Variants in CDKL5 observed in about 807,000 individuals in gnomAD.
CDKL5 encodes cyclin-dependent kinase-like 5.
In CDKL5, 8 loss-of-function variants were observed where a neutral mutation model predicts 61.7. The observed-to-expected ratio is 0.13, with a 90% CI of 0.08 to 0.23. The LOEUF (loss-of-function observed/expected upper bound fraction) is 0.23. Among genes scored for constraint, CDKL5 ranks in the 10% least tolerant of loss-of-function variants. CDKL5 has a pLI of 1.00. For missense variants in CDKL5, 440 were observed against 734.5 expected (o/e 0.60, Z 4.63); for synonymous variants, 275 against 272.3 (o/e 1.01, Z -0.10).
chrX:18,592,974 C>T (rs1333335944), intron 9 of CDKL5, among the ~76,000 whole-genome samples: 2 of 112,141 alleles, frequency 1.8e-5, no homozygotes, highest in African/African-American at 3.2e-5. Flanking sequence ...GGCCTGGTTC[C>T]GTATTTACTA....
Position 18,639,818 on chromosome X carries a change from A to G in CDKL5, c.*11061A>G, listed in dbSNP as rs1433337744. On this transcript the variant is annotated 3_prime_UTR_variant, in exon 18 of 18. Coordinates refer to ENST00000623535, the MANE Select transcript of CDKL5 (RefSeq NM_001323289.2). ...ATACTGAACAATGATGTTCAGCAAT[A>G]AAAAGGAGTGACAAGTGACATAGTG... 1.8e-5 allele frequency: 2 copies of G among 112,467 alleles called. No individual in the cohort carries two copies. The highest frequency in any genetic ancestry group is 9.4e-5 in the Admixed American group (1 of 10,642). 9.3% of individuals were successfully genotyped at this position (112,467 alleles called of 1,213,427 possible).
intron 9 of CDKL5, among the ~76,000 whole-genome samples, chrX:18,593,858 T>G (rs1479245047): frequency 8.9e-6 from 1 of 112,392 alleles, no homozygotes; most frequent in African/African-American, 3.2e-5. Context: ...GTCTTCACAT[T>G]TTTCATATTT....
chrX:18,594,122 C>G (rs1468621388), intron 9 of CDKL5, among the ~76,000 whole-genome samples: 1 of 112,196 alleles, frequency 8.9e-6, no homozygotes, highest in African/African-American at 3.2e-5. Context: ...TGAAATTTTA[C>G]TGTATAATTA....
intron 1 of CDKL5, among the ~76,000 whole-genome samples, chrX:18,475,883 C>T (rs1434342397): frequency 8.9e-6 from 1 of 111,874 alleles, no homozygotes; most frequent in African/African-American, 3.2e-5. Context: ...TATGTTTACT[C>T]ATATAACAAA....
Position 18,527,669 on chromosome X carries a change from A to G in CDKL5, c.99+16815A>G, listed in dbSNP as rs903598725. On this transcript the variant is annotated intron_variant, in intron 3 of 17. Transcript: ENST00000623535. ...TTTATCAGCTTTATTGATTTCAGAG[A>G]AGCAGCTTTTGTTTTTACTGTTGAT... is the stretch of plus-strand genomic sequence containing the variant. Among the ~76,000 whole-genome samples the G allele has an allele frequency of 3.6e-5, 4 of 110,915 alleles. No homozygotes were observed. In the East Asian group the frequency reaches 1.1e-3, roughly 31 times the overall value.
chrX:18,488,560 C>G (rs1004995677), intron 1 of CDKL5, among the ~76,000 whole-genome samples: 3 of 111,444 alleles, frequency 2.7e-5, no homozygotes, highest in African/African-American at 9.8e-5. Context: ...TCATCTTCAC[C>G]CCAGACTTTC....
intron 1 of CDKL5, among the ~76,000 whole-genome samples, chrX:18,480,961 G>A (rs759769074): frequency 3.1e-4 from 33 of 107,216 alleles, no homozygotes; most frequent in Admixed American, 3.0e-4. Flanking sequence ...GGGTTCAAGC[G>A]ATTCTCCTGT....
At chrX:18,596,840 A>G (rs1269633931) in intron 10 of CDKL5, among the ~76,000 whole-genome samples, 1 of 112,498 alleles carries the variant, frequency 8.9e-6, no homozygotes, top group Non-Finnish European at 1.9e-5. Context: ...CCAGATTAAA[A>G]GCTAGCACAA....
At chrX:18,490,951 C>T (rs1263531477) in intron 1 of CDKL5, among the ~76,000 whole-genome samples, 2 of 111,972 alleles carry the variant, frequency 1.8e-5, no homozygotes, top group Non-Finnish European at 3.8e-5. Context: ...CTGTCCATGC[C>T]TCGCAAAGTT....
chrX:18,432,185 G>C (rs1022664867), intron 1 of CDKL5, among the ~76,000 whole-genome samples: 4 of 104,123 alleles, frequency 3.8e-5, no homozygotes, highest in African/African-American at 1.1e-4. Flanking sequence ...TGCAACCTCT[G>C]CCTCCTGGGT....
At chrX:18,523,551 A>G (rs1923328652) in intron 3 of CDKL5, among the ~76,000 whole-genome samples, 1 of 111,839 alleles carries the variant, frequency 8.9e-6, no homozygotes, top group African/African-American at 3.3e-5. Flanking sequence ...TATGTATACA[A>G]CGAACAAAAT....
intron 1 of CDKL5, among the ~76,000 whole-genome samples, chrX:18,496,689 A>T (rs982441746): frequency 8.9e-6 from 1 of 112,070 alleles, no homozygotes; most frequent in Non-Finnish European, 1.9e-5. Flanking sequence ...TGATGCTATA[A>T]CACAGTCAGA....
At chrX:18,565,112 G>A (rs1475779404) in intron 4 of CDKL5, among the ~76,000 whole-genome samples, 1 of 111,651 alleles carries the variant, frequency 9.0e-6, no homozygotes, top group Non-Finnish European at 1.9e-5. Context: ...CCCCATGCTG[G>A]GCAAGAAAGT....
At chrX:18,481,657 C>T (rs1312625512) in intron 1 of CDKL5, among the ~76,000 whole-genome samples, 2 of 108,830 alleles carry the variant, frequency 1.8e-5, no homozygotes, top group African/African-American at 6.7e-5. Flanking sequence ...CCACTGTGCC[C>T]GACTCCTGGT....
intron 12 of CDKL5, among the ~76,000 whole-genome samples, chrX:18,607,359 G>A (rs1286086292): frequency 8.9e-6 from 1 of 112,107 alleles, no homozygotes; most frequent in Non-Finnish European, 1.9e-5. Context: ...GAAAGATCTG[G>A]CAGCTTCCTG....
At chrX:18,623,038 CA>C (rs1012072397) in intron 16 of CDKL5, among the ~76,000 whole-genome samples, 29 of 109,439 alleles carry the variant, frequency 2.6e-4, no homozygotes, top group East Asian at 1.4e-3. Flanking sequence ...AAAGTGGTGA[CA>C]AAAAAAAATA....
At chrX:18,539,392 G>C (rs1010888824) in intron 3 of CDKL5, among the ~76,000 whole-genome samples, 2 of 111,666 alleles carry the variant, frequency 1.8e-5, no homozygotes, top group African/African-American at 6.5e-5. Context: ...CACATATTTT[G>C]ATACATGTTG....
chrX:18,489,762 G>T (rs908434778), intron 1 of CDKL5, among the ~76,000 whole-genome samples: 1 of 110,311 alleles, frequency 9.1e-6, no homozygotes, highest in African/African-American at 3.3e-5. Flanking sequence ...AAACCAAGCT[G>T]TAGGGGGCCA....
At chrX:18,472,318 A>G (rs1239452108) in intron 1 of CDKL5, among the ~76,000 whole-genome samples, 1 of 111,903 alleles carries the variant, frequency 8.9e-6, no homozygotes, top group Admixed American at 9.6e-5. Context: ...GTATTTTACC[A>G]TACAGTGCAT....
Sources: allele counts gnomAD v4.1 joint callset (sites outside exome capture counted in the v4.1 genomes callset), GRCh38; gene constraint gnomAD v4.1.1; transcripts MANE v1.5; gene names NCBI Gene and HGNC (gene_info 2026-07-23, HGNC 2026-07-21).